PARD3B: variants seen among roughly 807,000 people sequenced by gnomAD.
The protein encoded by PARD3B is partitioning defective 3 homolog B.
Under a neutral mutation model 130.2 loss-of-function variants are expected in PARD3B, and 103 were observed. The observed-to-expected ratio is 0.79, with a 90% CI of 0.67 to 0.93. PARD3B has a LOEUF of 0.93. Ranked by LOEUF, PARD3B falls within the 40% of genes least tolerant of loss-of-function variation. PARD3B has a pLI of 0.00. For synonymous variants in PARD3B, 583 were observed against 553.2 expected (o/e 1.05, Z -0.76); for missense variants, 1,609 against 1,499.2 (o/e 1.07, Z -1.21).
At chr2:205,462,698 A>G (rs1351266678) in intron 20 of PARD3B, among the ~76,000 whole-genome samples, 1 of 152,158 alleles carries the variant, frequency 6.6e-6, no homozygotes. Context: ...TTATTCTTGG[A>G]ATCTCTGTAC....
intron 3 of PARD3B, among the ~76,000 whole-genome samples, chr2:205,027,756 G>A (rs1161554602): frequency 2.0e-5 from 3 of 152,030 alleles, no homozygotes; most frequent in Non-Finnish European, 4.4e-5. Context: ...GGTAAGATAA[G>A]GGCCTAATTT....
chr2:204,942,946 A>T (rs1202457528), intron 2 of PARD3B, among the ~76,000 whole-genome samples: 1 of 152,150 alleles, frequency 6.6e-6, no homozygotes, highest in Non-Finnish European at 1.5e-5. Context: ...TAGCACCTGG[A>T]TGATGAACTA....
chr2:205,033,592 T>A (rs1470545900), intron 3 of PARD3B, among the ~76,000 whole-genome samples: 2 of 152,288 alleles, frequency 1.3e-5, no homozygotes, highest in South Asian at 2.1e-4. Flanking sequence ...GGTGTCCATC[T>A]CTAGCATCAA....
At chr2:205,492,773 C>A (rs997670120) in intron 20 of PARD3B, among the ~76,000 whole-genome samples, 2 of 152,036 alleles carry the variant, frequency 1.3e-5, no homozygotes, top group Non-Finnish European at 1.5e-5. Flanking sequence ...ACTTAAATGT[C>A]ATTTGAAGAA....
At chr2:205,456,702 A>G (rs1003198673) in intron 20 of PARD3B, among the ~76,000 whole-genome samples, 1 of 151,558 alleles carries the variant, frequency 6.6e-6, no homozygotes, top group East Asian at 1.9e-4. Context: ...ATCACTTTTC[A>G]AACATTGAAC....
chr2:205,025,827 GC>G (rs1476008131), intron 3 of PARD3B, among the ~76,000 whole-genome samples: 1 of 152,072 alleles, frequency 6.6e-6, no homozygotes, highest in East Asian at 1.9e-4. Flanking sequence ...ACACACAGAT[GC>G]CTTGTACCTG....
intron 2 of PARD3B, among the ~76,000 whole-genome samples, chr2:204,934,509 C>T (rs1230881667): frequency 6.6e-6 from 1 of 152,192 alleles, no homozygotes; most frequent in East Asian, 1.9e-4. Context: ...ATTGATTACT[C>T]AATTACACTC....
At chr2:205,611,976 C>T (rs1354045771) in intron 22 of PARD3B, among the ~76,000 whole-genome samples, 1 of 152,132 alleles carries the variant, frequency 6.6e-6, no homozygotes, top group African/African-American at 2.4e-5. Context: ...CATCCGACAC[C>T]GTGATGAGCA....
At position 205,480,154 on chromosome 2, in the gene PARD3B, C is replaced by T. The variant is rs751358574; in HGVS notation, c.3045-19742C>T. On this transcript the variant is annotated intron_variant, in intron 20 of 22. Coordinates refer to ENST00000406610, the MANE Select transcript of PARD3B (RefSeq NM_001302769.2). ...TCCTGGCCTCAGATGATCCACCCGC[C>T]TCGGCCTCCCAGAGTGCTGGGATTA... Among the ~76,000 whole-genome samples the T allele has an allele frequency of 3.3e-5, 5 of 152,132 alleles. No individual in the cohort carries two copies. In the South Asian group the frequency reaches 8.3e-4, roughly 25 times the overall value.
At chr2:205,580,817 A>C (rs1391280982) in intron 22 of PARD3B, among the ~76,000 whole-genome samples, 1 of 152,140 alleles carries the variant, frequency 6.6e-6, no homozygotes, top group African/African-American at 2.4e-5. Context: ...ACGAGACACT[A>C]AAATGCCTTG....
chr2:204,727,000 T>C (rs993035718), intron 2 of PARD3B, among the ~76,000 whole-genome samples: 1 of 152,178 alleles, frequency 6.6e-6, no homozygotes, highest in Admixed American at 6.6e-5. Flanking sequence ...ATCCTTCCCT[T>C]CCCCGCCCTG....
In PARD3B at chr2:204,943,977, C is replaced by A. The variant is rs1689113149; in HGVS notation, c.223-21175C>A. On this transcript the variant is annotated intron_variant, in intron 2 of 22. Transcript: ENST00000406610. The surrounding 1 kb of genome is among the most constrained non-coding windows in gnomAD (Gnocchi z 4.2). The stretch of plus-strand genomic sequence containing the variant: ...GGACTAAACATTCAAAATTACATCA[C>A]CTCAGGGAAACTAAGTTAAGAACAA... 6.6e-6 allele frequency among the ~76,000 whole-genome samples: 1 copy of A among 152,100 alleles called. No individual in the cohort carries two copies. The highest frequency in any genetic ancestry group is 2.1e-4 in the South Asian group (1 of 4,824).
chr2:204,583,548 C>T (rs1204331178), intron 1 of PARD3B, among the ~76,000 whole-genome samples: 2 of 119,358 alleles, frequency 1.7e-5, no homozygotes, highest in Non-Finnish European at 3.3e-5. Flanking sequence ...GTGGGTGCAG[C>T]GCACCAGCAT....
At position 205,077,659 on chromosome 2, in the gene PARD3B, A is replaced by G. The variant is rs564701899; in HGVS notation, c.505-26767A>G. Among the ~76,000 whole-genome samples the G allele has an allele frequency of 3.2e-4, 49 of 152,296 alleles. No homozygotes were observed. The South Asian group carries it at 9.7e-3, about 30-fold the overall frequency. On this transcript the variant is annotated intron_variant, in intron 4 of 22. Coordinates refer to ENST00000406610, the MANE Select transcript of PARD3B (RefSeq NM_001302769.2). ...TATGATTCCAAGGAAATTTAAACCT[A>G]TGCAATGATTTCTTAGAGAATAGGT... is the stretch of plus-strand genomic sequence containing the variant.
chr2:205,600,219 C>T (rs904830440), intron 22 of PARD3B, among the ~76,000 whole-genome samples: 3 of 152,176 alleles, frequency 2.0e-5, no homozygotes, highest in East Asian at 1.9e-4. Flanking sequence ...TGCTAGAACC[C>T]GATGTATGAC....
chr2:204,618,837 T>G (rs2034200508), intron 1 of PARD3B, among the ~76,000 whole-genome samples: 1 of 152,176 alleles, frequency 6.6e-6, no homozygotes, highest in African/African-American at 2.4e-5. Flanking sequence ...TATGTTTAAT[T>G]CCTACACTTG....
In PARD3B at chr2:205,124,309, C is replaced by T. The variant is rs776621532; in HGVS notation, c.1166-18C>T. The T allele has an allele frequency of 6.7e-7, 1 of 1,496,752 alleles. No homozygotes were observed. Among genetic ancestry groups the T allele is most frequent in the Non-Finnish European group, 8.9e-7 (1 of 1,118,322 alleles). 92.7% of individuals were successfully genotyped at this position (1,496,752 alleles called of 1,614,324 possible). ...CATGCTTAAGATGACTATACATTTT[C>T]CTGTTCTTATACACTAGGCCCTGAA... On this transcript the variant is annotated intron_variant, in intron 8 of 22. Transcript: ENST00000406610.
chr2:204,695,433 A>G (rs2125263262), intron 2 of PARD3B, among the ~76,000 whole-genome samples: 1 of 152,154 alleles, frequency 6.6e-6, no homozygotes, highest in African/African-American at 2.4e-5. Flanking sequence ...GTATTGATTC[A>G]GATCGTGCTC....
At chr2:204,842,167 CT>C (rs2044281661) in intron 2 of PARD3B, among the ~76,000 whole-genome samples, 1 of 151,966 alleles carries the variant, frequency 6.6e-6, no homozygotes, top group Admixed American at 6.6e-5. Context: ...TGAACATGTG[CT>C]TGTGTGTGCT....
Sources: allele counts gnomAD v4.1 joint callset (sites outside exome capture counted in the v4.1 genomes callset), GRCh38; gene constraint gnomAD v4.1.1; non-coding constraint Gnocchi (gnomAD v3.1); transcripts MANE v1.5; gene names NCBI Gene and HGNC (gene_info 2026-07-23, HGNC 2026-07-21).